The following FAM151B variants were observed in gnomAD, a reference collection of about 807,000 sequenced individuals.
FAM151B encodes protein FAM151B.
A neutral mutation model predicts 31.2 loss-of-function variants in FAM151B; 24 were observed. The ratio of observed to expected loss-of-function variants is 0.77; its 90% CI spans 0.56 to 1.08. The LOEUF (loss-of-function observed/expected upper bound fraction) is 1.08. Among genes scored for constraint, FAM151B ranks in the 50% least tolerant of loss-of-function variants. The pLI is 0.00. For synonymous variants in FAM151B, 105 were observed against 111.4 expected (o/e 0.94, Z 0.36); for missense variants, 293 against 328.6 (o/e 0.89, Z 0.84).
At position 80,502,021 on chromosome 5, in the gene FAM151B, AGT is replaced by A. The variant is rs1743768868; in HGVS notation, c.151+107_151+108del. 6 of 774,606 alleles carry A rather than the reference AGT, an allele frequency of 7.7e-6. No individual in the cohort carries two copies. The East Asian group carries it at 1.9e-4, about 24-fold the overall frequency. 48.0% of individuals were successfully genotyped at this position (774,606 alleles called of 1,614,324 possible). A position where few individuals can be genotyped will look rare whatever the true frequency, so the allele number is the denominator to read the frequency against. ...GCAGATACTAGAGACAGGTGATCCA[AGT>A]GTAAGTTCCAGGCTGACATGAGTAT... On this transcript the variant is annotated intron_variant, in intron 2 of 5. Transcript: ENST00000282226.
chr5:80,488,924 G>A (rs947193269), intron 1 of FAM151B, among the ~76,000 whole-genome samples: 2 of 151,876 alleles, frequency 1.3e-5, no homozygotes, highest in Non-Finnish European at 2.9e-5. Context: ...TATTAGTATA[G>A]GGAAATAGGA....
At chr5:80,532,518 G>A (rs559306515) in intron 5 of FAM151B, among the ~76,000 whole-genome samples, 28 of 152,206 alleles carry the variant, frequency 1.8e-4, no homozygotes, top group African/African-American at 6.3e-4. Context: ...AATATTATTA[G>A]AGCTAAGCTG....
chr5:80,501,722 T>G, intron 1 of FAM151B, 70 bp from the exon 2 acceptor site: 1 of 1,123,950 alleles, frequency 8.9e-7, no homozygotes, highest in Non-Finnish European at 1.3e-6. Context: ...ATATACACAA[T>G]GAAAGTGATT....
chr5:80,511,459 A>G (rs988876465), intron 2 of FAM151B, among the ~76,000 whole-genome samples: 5 of 150,060 alleles, frequency 3.3e-5, no homozygotes, highest in Non-Finnish European at 5.9e-5. Flanking sequence ...AAAAAAAAAA[A>G]AGGAAAGAAG....
intron 1 of FAM151B, chr5:80,498,555 C>A: frequency 9.3e-7 from 1 of 1,073,774 alleles, no homozygotes; most frequent in Non-Finnish European, 1.4e-6. Context: ...TTTGTTGAAG[C>A]AGTAAGTCAG....
intron 2 of FAM151B, among the ~76,000 whole-genome samples, chr5:80,512,723 G>A (rs772509094): frequency 6.6e-6 from 1 of 150,560 alleles, no homozygotes; most frequent in African/African-American, 2.5e-5. Context: ...TCAAAGCTTC[G>A]GTGAAGTATA....
intron 1 of FAM151B, 110 bp downstream of exon 1, chr5:80,488,258 G>T: frequency 7.4e-7 from 1 of 1,349,242 alleles, no homozygotes; most frequent in Non-Finnish European, 9.9e-7. Context: ...AGGGACCTGG[G>T]AGCGCGCCGC....
chr5:80,513,488 G>A, intron 2 of FAM151B, 116 bp from the exon 3 acceptor site: 1 of 975,876 alleles, frequency 1.0e-6, no homozygotes, highest in East Asian at 2.5e-5. Flanking sequence ...CGCTCACTGA[G>A]TGTTACTTTT....
At chr5:80,488,626 G>A (rs1044688674) in intron 1 of FAM151B, among the ~76,000 whole-genome samples, 5 of 152,234 alleles carry the variant, frequency 3.3e-5, no homozygotes, top group Non-Finnish European at 7.3e-5. Context: ...GGAATCAGGT[G>A]CTTCAACTCG....
chr5:80,520,067 G>C (rs1314083257), intron 4 of FAM151B, among the ~76,000 whole-genome samples, 157 bp downstream of exon 4: 1 of 152,140 alleles, frequency 6.6e-6, no homozygotes, highest in African/African-American at 2.4e-5. Flanking sequence ...CCTTCCATCT[G>C]CTCTTTCAGA....
chr5:80,533,058 A>T (rs1215840230), intron 5 of FAM151B, among the ~76,000 whole-genome samples: 1 of 152,184 alleles, frequency 6.6e-6, no homozygotes, highest in South Asian at 2.1e-4. Context: ...TAAAACTTCA[A>T]ATAACCTAAC....
intron 1 of FAM151B, among the ~76,000 whole-genome samples, chr5:80,497,725 T>G (rs1009425215): frequency 1.3e-5 from 2 of 148,630 alleles, no homozygotes; most frequent in Non-Finnish European, 3.0e-5. Flanking sequence ...ATAAAAATTC[T>G]GAATGCAGTA....
chr5:80,541,822 T>C lies in FAM151B; in HGVS notation c.821T>C (p.Val274Ala). The C allele has an allele frequency of 6.2e-7, 1 of 1,611,920 alleles. No homozygotes were observed. The highest frequency in any genetic ancestry group is 8.5e-7 in the Non-Finnish European group (1 of 1,179,304). ...HEFKQAIGIK[V>A]NL ...TTTAAACAAGCCATTGGAATCAAAG[T>C]TAATCTCTAAGAAGAAGATTCTCAA... The change falls in exon 6 of 6, where the codon GTT becomes GCT. Residue 274 changes from valine to alanine, a missense_variant. Transcript: ENST00000282226.
rs1231606633 is a variant in FAM151B, at chr5:80,509,856, A to G, written c.152-3748A>G. 2.0e-5 allele frequency among the ~76,000 whole-genome samples: 3 copies of G among 152,226 alleles called. No homozygotes were observed. In the East Asian group the frequency reaches 5.8e-4, roughly 29 times the overall value. On this transcript the variant is annotated intron_variant, in intron 2 of 5. Coordinates refer to ENST00000282226, the MANE Select transcript of FAM151B (RefSeq NM_205548.3). ...CACAGGTTCACTGGGTATCCTGTCT[A>G]TCTTCCACCAGTTGCTACAGTGACA...
chr5:80,494,464 C>CTTTCTTTCT (rs1561359174), intron 1 of FAM151B, among the ~76,000 whole-genome samples: 2 of 45,326 alleles, frequency 4.4e-5, no homozygotes, highest in African/African-American at 1.7e-4. Context: ...TCTTTTCTTT[C>CTTTCTTTCT]TTTCTTTCTT....
rs1744613299 is a variant in FAM151B at position 80,519,708 on chromosome 5, A to G, written c.333A>G (p.Glu111=). The G allele has an allele frequency of 6.2e-7, 1 of 1,614,038 alleles. No individual in the cohort carries two copies. Among genetic ancestry groups the G allele is most frequent in the Non-Finnish European group, 8.5e-7 (1 of 1,179,952 alleles). ...KLDFKSLAVV[E]PSMMLLENVK... ...ATGTTTTTAGTCTGGCAGTTGTAGA[A>G]CCATCCATGATGCTCTTGGAAAATG... is the stretch of plus-strand genomic sequence containing the variant. The change falls in exon 4 of 6, where the codon GAA becomes GAG. Residue 111 remains glutamate, a synonymous_variant. Transcript: ENST00000282226.
chr5:80,506,679 A>G (rs1352047212), intron 2 of FAM151B, among the ~76,000 whole-genome samples: 1 of 152,214 alleles, frequency 6.6e-6, no homozygotes, highest in Non-Finnish European at 1.5e-5. Context: ...ATGGTGTTCC[A>G]TTTAAAATCT....
chr5:80,525,688 A>G (rs1744925842), intron 5 of FAM151B, among the ~76,000 whole-genome samples: 1 of 152,094 alleles, frequency 6.6e-6, no homozygotes, highest in African/African-American at 2.4e-5. Flanking sequence ...GACGTACACT[A>G]TCACATTCCC....
intron 5 of FAM151B, among the ~76,000 whole-genome samples, chr5:80,530,364 T>C (rs1745178162): frequency 6.6e-6 from 1 of 151,940 alleles, no homozygotes; most frequent in Non-Finnish European, 1.5e-5. Flanking sequence ...CTATTCAACA[T>C]AGTGTTGGAA....
Sources: allele counts gnomAD v4.1 joint callset (sites outside exome capture counted in the v4.1 genomes callset), GRCh38; gene constraint gnomAD v4.1.1; transcripts MANE v1.5; gene names NCBI Gene and HGNC (gene_info 2026-07-23, HGNC 2026-07-21).